TCTN1: variants seen among roughly 807,000 people sequenced by gnomAD.
TCTN1 encodes the protein tectonic family member 1.
A neutral mutation model predicts 65.8 loss-of-function variants in TCTN1; 58 were observed. The observed-to-expected ratio is 0.88, with a 90% CI of 0.71 to 1.10. The LOEUF (loss-of-function observed/expected upper bound fraction) is 1.10. TCTN1 is among the 50% of genes least tolerant of loss of function. The probability of loss-of-function intolerance (pLI) is 0.00; values close to 1 mark genes in which losing one functional copy is unlikely to be tolerated. For missense variants in TCTN1, 645 were observed against 719.4 expected (o/e 0.90, Z 1.18); for synonymous variants, 273 against 289.1 (o/e 0.94, Z 0.57).
In TCTN1 at chr12:110,628,805, G is replaced by C. The variant is rs149391625; in HGVS notation, c.511G>C (p.Asp171His). ...ATCCTTTATTAATCCAGAAGTACCTGATGAAAACAATTTTGATACATTGAT... is the reference window on the plus strand; with the variant it reads ...ATCCTTTATTAATCCAGAAGTACCTCATGAAAACAATTTTGATACATTGAT... Reference protein sequence around the residue: ...ALSFINPEVPDENNFDTLMKT... With the variant: ...ALSFINPEVPHENNFDTLMKT... The change falls in exon 4 of 15, where the codon GAT becomes CAT. Residue 171 changes from aspartate to histidine, a missense_variant. By Grantham distance (81) the Asp-to-His change is moderately conservative. Coordinates refer to ENST00000397659, the MANE Select transcript of TCTN1 (RefSeq NM_001082538.3). 2 of 1,611,422 alleles carry C rather than the reference G, an allele frequency of 1.2e-6. No individual in the cohort carries two copies. Among genetic ancestry groups the C allele is most frequent in the African/African-American group, 2.7e-5 (2 of 74,854 alleles).
At chr12:110,637,488 A>G (rs574882992) in intron 7 of TCTN1, among the ~76,000 whole-genome samples, 31 of 152,218 alleles carry the variant, frequency 2.0e-4, no homozygotes, top group Non-Finnish European at 3.8e-4. Flanking sequence ...TATTATGAGG[A>G]ATGATGGATG....
At chr12:110,636,190 T>C (rs965563645) in intron 6 of TCTN1, 10 of 388,568 alleles carry the variant, frequency 2.6e-5, no homozygotes, top group Non-Finnish European at 4.4e-5. Context: ...CGTGAGACCA[T>C]GTGGAAATAT....
At chr12:110,617,652 T>TG (rs2065136296) in intron 1 of TCTN1, among the ~76,000 whole-genome samples, 1 of 151,556 alleles carries the variant, frequency 6.6e-6, no homozygotes, top group African/African-American at 2.4e-5. Context: ...TTTCTTTTTT[T>TG]TTTTTTGAGA....
chr12:110,629,040 A>G lies in TCTN1; in HGVS notation c.624+122A>G, dbSNP rs182419207. ...ACAGAGTTGATATTATAGACTAAAA[A>G]ACTTAATGTTCATGCCTACAAATCA... On this transcript the variant is annotated intron_variant, in intron 4 of 14. Transcript: ENST00000397659. 88 of 1,101,120 alleles carry G rather than the reference A, an allele frequency of 8.0e-5. No homozygotes were observed. The East Asian group carries it at 2.2e-3, about 27-fold the overall frequency. 68.2% of individuals were successfully genotyped at this position (1,101,120 alleles called of 1,614,324 possible).
At chr12:110,628,341 CTTTT>C (rs1220087506) in intron 3 of TCTN1, 397 of 835,934 alleles carry the variant, frequency 4.7e-4, no homozygotes, top group Middle Eastern at 1.2e-3. Context: ...GAAAAATACA[CTTTT>C]TTTTTTTTTT....
At chr12:110,625,028 A>G (rs2065736218) in intron 2 of TCTN1, among the ~76,000 whole-genome samples, 1 of 152,178 alleles carries the variant, frequency 6.6e-6, no homozygotes, top group Non-Finnish European at 1.5e-5. Flanking sequence ...AACCTTCCAG[A>G]TGACTCCACA....
Position 110,634,739 on chromosome 12 carries a change from C to G in TCTN1, c.782C>G (p.Ala261Gly), listed in dbSNP as rs2136070459. Residue 261 changes from alanine to glycine, a missense_variant, in exon 6 of 15, where the codon GCC becomes GGC. Ala to Gly is a moderately conservative substitution (Grantham distance 60). Transcript: ENST00000397659. ...INLEQCEEIE[A>G]LSMAFYSSPE... Reference sequence around the variant, plus strand: ...TTAGAACAGTGTGAAGAAATTGAAGCCCTCAGCATGGCTTTTTACAGCAGC... The same window carrying G: ...TTAGAACAGTGTGAAGAAATTGAAGGCCTCAGCATGGCTTTTTACAGCAGC... 1 of 1,612,006 alleles carries G rather than the reference C, an allele frequency of 6.2e-7. No homozygotes were observed. The highest frequency in any genetic ancestry group is 1.1e-5 in the South Asian group (1 of 90,594).
intron 13 of TCTN1, 196 bp downstream of exon 13, chr12:110,647,532 T>C: frequency 3.0e-6 from 3 of 1,014,590 alleles, no homozygotes; most frequent in Non-Finnish European, 2.9e-6. Flanking sequence ...AGATTGGATC[T>C]TTAAAATTCT....
chr12:110,627,703 C>T, intron 3 of TCTN1: 1 of 438,798 alleles, frequency 2.3e-6, no homozygotes, highest in Non-Finnish European at 4.0e-6. Context: ...TTTCTATTTC[C>T]TTTTTTCTTT....
chr12:110,627,081 C>G (rs2065903292), intron 3 of TCTN1, among the ~76,000 whole-genome samples: 1 of 148,988 alleles, frequency 6.7e-6, no homozygotes, highest in African/African-American at 2.5e-5. Flanking sequence ...CCTATTATTA[C>G]TATTTTTTCT....
intron 1 of TCTN1, among the ~76,000 whole-genome samples, chr12:110,617,924 C>A (rs2065159140): frequency 6.6e-6 from 1 of 152,118 alleles, no homozygotes; most frequent in Non-Finnish European, 1.5e-5. Context: ...CAGGCTTGAG[C>A]CACTGCATCC....
intron 14 of TCTN1, chr12:110,648,812 A>AGTT (rs2067608222): frequency 3.1e-6 from 1 of 326,140 alleles, no homozygotes; most frequent in African/African-American, 2.3e-5. Flanking sequence ...TTTATACAGT[A>AGTT]GTTGTTTTAT....
At chr12:110,615,046 C>T (rs913057417) in intron 1 of TCTN1, among the ~76,000 whole-genome samples, 1 of 152,204 alleles carries the variant, frequency 6.6e-6, no homozygotes, top group Non-Finnish European at 1.5e-5. Context: ...AATCCCAGCA[C>T]TTTGGGAGGT....
rs776909293 is a variant in TCTN1 at position 110,642,245 on chromosome 12, G to A, written c.1191-4G>A. 11 of 1,614,168 alleles carry A rather than the reference G, an allele frequency of 6.8e-6. No individual in the cohort carries two copies. In the South Asian group the frequency reaches 1.2e-4, roughly 18 times the overall value. ...AGGCAGTTGTCCCTTAACTGTCTGT[G>A]AATGTCTGGGATTATTCAGACCACA... is the stretch of plus-strand genomic sequence containing the variant. On this transcript the variant is annotated splice_polypyrimidine_tract_variant and splice_region_variant and intron_variant, in intron 10 of 14. Transcript: ENST00000397659.
rs533762795 is a variant in TCTN1 at position 110,634,147 on chromosome 12, A to G, written c.713-523A>G. ...TGTATATATTGTACATTTGTTTCCAAAAGGGGAAAGAAATAATAATAAAAA... is the reference window on the plus strand; with the variant it reads ...TGTATATATTGTACATTTGTTTCCAGAAGGGGAAAGAAATAATAATAAAAA... On this transcript the variant is annotated intron_variant, in intron 5 of 14. Coordinates refer to ENST00000397659, the MANE Select transcript of TCTN1 (RefSeq NM_001082538.3). Among the ~76,000 whole-genome samples the G allele has an allele frequency of 3.3e-5, 5 of 152,320 alleles. No homozygotes were observed. The South Asian group carries it at 1.0e-3, about 32-fold the overall frequency.
In TCTN1 at chr12:110,634,774, C is replaced by T. The variant is rs775207770; in HGVS notation, c.817C>T (p.Leu273=). The T allele has an allele frequency of 1.5e-5, 24 of 1,606,108 alleles. No homozygotes were observed. The highest frequency in any genetic ancestry group is 2.0e-5 in the Non-Finnish European group (23 of 1,175,288). The part of the protein sequence containing the change: ...SMAFYSSPEI[L]RVPDSRKKVP... ...GGCTTTTTACAGCAGCCCGGAAATT[C>T]TGAGGGTAAGAATTATTTTGAAGTG... Residue 273 remains leucine, a synonymous_variant, in exon 6 of 15, where the codon CTG becomes TTG. Transcript: ENST00000397659.
rs753674051 is a variant in TCTN1, at chr12:110,645,046, G to A, written c.1411G>A (p.Val471Met). Residue 471 changes from valine (V) to methionine (M), a missense_variant, in exon 12 of 15, where the codon GTG becomes ATG. Physicochemically the swap from Val to Met is conservative, Grantham distance 21 (BLOSUM62 1). Transcript: ENST00000397659. ...GTGGGGCCAGGGCTTCCCAGATTAC[G>A]TGGCCCCTTTTGGAAATTCCCAGGC... ...LLWGQGFPDYVAPFGNSQAQD... is the reference protein window; with the variant it reads ...LLWGQGFPDYMAPFGNSQAQD... 13 of 1,614,046 alleles carry A rather than the reference G, an allele frequency of 8.1e-6. No homozygotes were observed. Among genetic ancestry groups the A allele is most frequent in the South Asian group, 4.4e-5 (4 of 91,084 alleles).
At chr12:110,645,389 A>G in intron 12 of TCTN1, 1 of 493,298 alleles carries the variant, frequency 2.0e-6, no homozygotes, top group Non-Finnish European at 3.7e-6. Context: ...GGGCATTGAG[A>G]GGGTTAAGTG....
chr12:110,635,058 A>T (rs895846757), intron 6 of TCTN1, among the ~76,000 whole-genome samples: 1 of 152,360 alleles, frequency 6.6e-6, no homozygotes, highest in Middle Eastern at 3.4e-3. Context: ...TTTACGAATA[A>T]CTAAAAACTT....
Sources: allele counts gnomAD v4.1 joint callset (sites outside exome capture counted in the v4.1 genomes callset), GRCh38; gene constraint gnomAD v4.1.1; transcripts MANE v1.5; gene names NCBI Gene and HGNC (gene_info 2026-07-23, HGNC 2026-07-21).